The following NCAM2 variants were observed in gnomAD, a reference collection of about 807,000 sequenced individuals.
The protein encoded by NCAM2 is N-CAM-2.
A neutral mutation model predicts 98.1 loss-of-function variants in NCAM2; 30 were observed. That is an observed-to-expected ratio of 0.31 (90% confidence interval 0.23 to 0.41). NCAM2 has a LOEUF of 0.41. Ranked by LOEUF, NCAM2 falls within the 10% of genes least tolerant of loss-of-function variation. The pLI is 1.00. For synonymous variants in NCAM2, 368 were observed against 342.4 expected, an observed-to-expected ratio of 1.07 and a Z score of -0.83; for missense variants, 867 against 1,005.8, an observed-to-expected ratio of 0.86 and a Z score of 1.87.
chr21:21,152,582 G>T (rs1368513756), intron 1 of NCAM2, among the ~76,000 whole-genome samples: 1 of 151,974 alleles, frequency 6.6e-6, no homozygotes, highest in Non-Finnish European at 1.5e-5. Flanking sequence ...CTGTTTTAAA[G>T]TATTTTAGGC....
chr21:21,263,634 A>G (rs921276977), intron 1 of NCAM2, among the ~76,000 whole-genome samples: 1 of 152,162 alleles, frequency 6.6e-6, no homozygotes, highest in African/African-American at 2.4e-5. Context: ...TAACAAAAAC[A>G]GCATATTACT....
chr21:21,478,658 T>C (rs1446834397), intron 15 of NCAM2, among the ~76,000 whole-genome samples: 2 of 152,132 alleles, frequency 1.3e-5, no homozygotes, highest in African/African-American at 4.8e-5. Context: ...AATTATAATT[T>C]AAAATTAGGA....
At chr21:21,297,026 G>A (rs2073511783) in intron 5 of NCAM2, among the ~76,000 whole-genome samples, 1 of 151,604 alleles carries the variant, frequency 6.6e-6, no homozygotes, top group Non-Finnish European at 1.5e-5. Flanking sequence ...AAGGATGAAA[G>A]CTAAAAAAAA....
At chr21:21,025,259 G>A (rs953575243) in intron 1 of NCAM2, among the ~76,000 whole-genome samples, 29 of 151,936 alleles carry the variant, frequency 1.9e-4, no homozygotes, top group African/African-American at 6.3e-4. Flanking sequence ...CTAATTGTTT[G>A]TATTTTTAGT....
chr21:21,227,085 G>C (rs753048230), intron 1 of NCAM2, among the ~76,000 whole-genome samples: 18 of 151,774 alleles, frequency 1.2e-4, no homozygotes, highest in Non-Finnish European at 2.5e-4. Flanking sequence ...TTTAAAGTAA[G>C]GCATAAGACA....
chr21:21,310,381 G>A (rs1408191652), intron 5 of NCAM2, among the ~76,000 whole-genome samples: 1 of 152,010 alleles, frequency 6.6e-6, no homozygotes, highest in Non-Finnish European at 1.5e-5. Flanking sequence ...TCATAACAAA[G>A]ACAAACAGTA....
chr21:21,046,089 A>G (rs2065003630), intron 1 of NCAM2, among the ~76,000 whole-genome samples: 2 of 152,300 alleles, frequency 1.3e-5, no homozygotes, highest in Middle Eastern at 3.4e-3. Flanking sequence ...AAGTATGGGC[A>G]TGCAGGCTAA....
In NCAM2 at chr21:21,540,372, T is replaced by C. The variant is rs1418322822; in HGVS notation, c.*2415T>C. On this transcript the variant is annotated 3_prime_UTR_variant, in exon 18 of 18. Transcript: ENST00000400546. ...AAATTAACAGATAATCTGAAGCTAA[T>C]TATATTCAGACTATTTCAAGTGCAC... 6.6e-6 allele frequency: 1 copy of C among 151,646 alleles called. No individual in the cohort carries two copies. The highest frequency in any genetic ancestry group is 1.5e-5 in the Non-Finnish European group (1 of 67,886). 9.4% of individuals were successfully genotyped at this position (151,646 alleles called of 1,614,324 possible). A position where few individuals can be genotyped will look rare whatever the true frequency, so the allele number is the denominator to read the frequency against.
At position 21,432,100 on chromosome 21, in the gene NCAM2, G is replaced by T. The variant is rs2077358258; in HGVS notation, c.1481-8G>T. ...GGTTATGTTTTCTTTATATTTCTTTGTCCATAGACGTGCCATCCAGTCCCT... is the reference window on the plus strand; with the variant it reads ...GGTTATGTTTTCTTTATATTTCTTTTTCCATAGACGTGCCATCCAGTCCCT... On this transcript the variant is annotated splice_region_variant and splice_polypyrimidine_tract_variant and intron_variant, in intron 11 of 17. Coordinates refer to ENST00000400546, the MANE Select transcript of NCAM2 (RefSeq NM_004540.5). 1 of 1,610,706 alleles carries T rather than the reference G, an allele frequency of 6.2e-7. No homozygotes were observed. The highest frequency in any genetic ancestry group is 1.3e-5 in the African/African-American group (1 of 74,748).
At chr21:21,521,318 C>A (rs71321796) in intron 16 of NCAM2, among the ~76,000 whole-genome samples, 1 of 152,108 alleles carries the variant, frequency 6.6e-6, no homozygotes, top group Non-Finnish European at 1.5e-5. Context: ...CACATTACCT[C>A]CAAATTACTA....
intron 1 of NCAM2, among the ~76,000 whole-genome samples, chr21:21,125,826 A>G (rs2066809514): frequency 6.6e-6 from 1 of 151,230 alleles, no homozygotes; most frequent in Non-Finnish European, 1.5e-5. Context: ...ATGCAGCACA[A>G]TAGTCTCTGA....
chr21:21,385,378 A>G (rs2076246065), intron 9 of NCAM2, among the ~76,000 whole-genome samples: 1 of 138,534 alleles, frequency 7.2e-6, no homozygotes, highest in Non-Finnish European at 1.6e-5. Flanking sequence ...TTAAACACAC[A>G]CACACACACA....
chr21:21,073,038 G>A (rs6417721), intron 1 of NCAM2, among the ~76,000 whole-genome samples: 48,012 of 151,878 alleles, frequency 0.32, 8,218 homozygotes, highest in African/African-American at 0.44. Flanking sequence ...GAATTTGGCT[G>A]CTCTGTGTAC....
intron 1 of NCAM2, among the ~76,000 whole-genome samples, chr21:21,118,920 G>A (rs923524512): frequency 1.3e-5 from 2 of 152,086 alleles, no homozygotes; most frequent in Admixed American, 6.6e-5. Flanking sequence ...TAATGTTAAG[G>A]TTCTTAATTT....
At chr21:21,427,384 GA>G (rs2077237656) in intron 11 of NCAM2, among the ~76,000 whole-genome samples, 1 of 152,186 alleles carries the variant, frequency 6.6e-6, no homozygotes, top group African/African-American at 2.4e-5. Context: ...TTTAGTCTTG[GA>G]AAATAAGAAG....
chr21:21,230,109 A>G (rs1006774668), intron 1 of NCAM2, among the ~76,000 whole-genome samples: 2 of 151,200 alleles, frequency 1.3e-5, no homozygotes, highest in Non-Finnish European at 3.0e-5. Context: ...TATTCATGAC[A>G]TGCCTGATTT....
chr21:21,139,738 C>A (rs2826693), intron 1 of NCAM2, among the ~76,000 whole-genome samples: 63,300 of 151,768 alleles, frequency 0.42, 13,736 homozygotes, highest in African/African-American at 0.55. Flanking sequence ...AATGGCTATG[C>A]ATATGTACAT....
intron 1 of NCAM2, among the ~76,000 whole-genome samples, chr21:21,000,733 G>T (rs539542850): frequency 5.3e-5 from 8 of 152,208 alleles, no homozygotes; most frequent in Middle Eastern, 6.8e-3. Context: ...TAGCTTTTGT[G>T]AAAGGGAACA....
At chr21:21,228,920 G>A (rs1281131582) in intron 1 of NCAM2, among the ~76,000 whole-genome samples, 2 of 151,312 alleles carry the variant, frequency 1.3e-5, no homozygotes, top group South Asian at 2.1e-4. Flanking sequence ...CTTTATGTTT[G>A]CATTTAATTA....
Sources: allele counts gnomAD v4.1 joint callset (sites outside exome capture counted in the v4.1 genomes callset), GRCh38; gene constraint gnomAD v4.1.1; transcripts MANE v1.5; gene names NCBI Gene and HGNC (gene_info 2026-07-23, HGNC 2026-07-21).